The following REELD1 variants were observed in gnomAD, a reference collection of about 807,000 sequenced individuals.
The protein encoded by REELD1 is reeler domain containing 1.
Under a neutral mutation model 6.3 loss-of-function variants are expected in REELD1, and 12 were observed. The ratio of observed to expected loss-of-function variants is 1.89; its 90% CI spans 1.21 to 3.07. The LOEUF is 3.07. REELD1 is among the 30% of genes most tolerant of loss of function. REELD1 has a pLI of 0.00. For missense variants in REELD1, 163 were observed against 86.8 expected, an observed-to-expected ratio of 1.88 and a Z score of -3.49; for synonymous variants, 57 against 33.6, an observed-to-expected ratio of 1.70 and a Z score of -2.42.
chr4:146,223,129 A>G (rs1001110917), intron 4 of REELD1, among the ~76,000 whole-genome samples: 21 of 152,226 alleles, frequency 1.4e-4, no homozygotes, highest in Non-Finnish European at 2.8e-4. Flanking sequence ...AAAATGAGGT[A>G]CTTGTTTTGT....
At position 146,222,564 on chromosome 4, in the gene REELD1, G is replaced by A; in HGVS notation, c.416G>A (p.Gly139Glu). Residue 139 changes from glycine (G) to glutamate (E), a missense_variant, in exon 4 of 8, where the codon GGG becomes GAG. Physicochemically the swap from Gly to Glu is moderately conservative, Grantham distance 98. Transcript: ENST00000623665. ...TGGAAGGCCCCAGCCCAGCCTGTGGGGGACATTAAGTTCCTGTAAGAGAGT... is the reference window on the plus strand; with the variant it reads ...TGGAAGGCCCCAGCCCAGCCTGTGGAGGACATTAAGTTCCTGTAAGAGAGT... ...FVWKAPAQPV[G>E]DIKFLLSVVQ... 1 of 398,618 alleles carries A rather than the reference G, an allele frequency of 2.5e-6. No individual in the cohort carries two copies. Among genetic ancestry groups the A allele is most frequent in the East Asian group, 3.6e-5 (1 of 28,074 alleles). The allele number at this position is 398,618 out of a possible 1,614,324, so 24.7% of individuals were successfully genotyped here.
Position 146,230,632 on chromosome 4 carries a change from G to A in REELD1, c.*119G>A, listed in dbSNP as rs1440110667. 19 of 397,128 alleles carry A rather than the reference G, an allele frequency of 4.8e-5. No homozygotes were observed. The highest frequency in any genetic ancestry group is 7.1e-5 in the Non-Finnish European group (16 of 225,742). 24.6% of individuals were successfully genotyped at this position (397,128 alleles called of 1,614,324 possible). On this transcript the variant is annotated 3_prime_UTR_variant, in exon 8 of 8. Transcript: ENST00000623665. ...AGGGACTCATTGTGCCTCTGTCAAT[G>A]TGCAGTTAGTGGAGGAACCCGGGAG...
chr4:146,228,419 C>A lies in REELD1; in HGVS notation c.805C>A (p.Pro269Thr), dbSNP rs1293676653. ...INQQPSGDSN[P>T]TLEPSLEVHR... ...CCAGCAACCCAGCGGGGACAGCAAT[C>A]CCACCCTAGAGCCGTCCCTGGAGGT... Residue 269 changes from proline to threonine, a missense_variant, in exon 6 of 8, where the codon CCC (proline) becomes ACC (threonine). Coordinates refer to ENST00000623665, the MANE Select transcript of REELD1 (RefSeq NM_001354631.1). 1.1e-5 allele frequency: 8 copies of A among 702,490 alleles called. No individual in the cohort carries two copies. In the South Asian group the frequency reaches 1.2e-4, roughly 10 times the overall value. The allele number at this position is 702,490 out of a possible 1,614,324, so 43.5% of individuals were successfully genotyped here. A position where few individuals can be genotyped will look rare whatever the true frequency, so the allele number is the denominator to read the frequency against.
In REELD1 at chr4:146,232,011, G is replaced by A. The variant is rs926598346; in HGVS notation, c.*1498G>A. On this transcript the variant is annotated 3_prime_UTR_variant, in exon 8 of 8. Transcript: ENST00000623665. The stretch of plus-strand genomic sequence containing the variant: ...AACAAAAGTACTGTAGTCTAATAAG[G>A]CCACAGATATCCCTTCTGTATGTCT... 2.0e-5 allele frequency: 3 copies of A among 152,158 alleles called. No homozygotes were observed. Among genetic ancestry groups the A allele is most frequent in the African/African-American group, 7.2e-5 (3 of 41,430 alleles). 9.4% of individuals were successfully genotyped at this position (152,158 alleles called of 1,614,324 possible).
rs565490940 is a variant in REELD1 at position 146,228,406 on chromosome 4, C to T, written c.792C>T (p.Ser264=). 1.9e-5 allele frequency: 13 copies of T among 702,582 alleles called. No individual in the cohort carries two copies. The highest frequency in any genetic ancestry group is 5.4e-5 in the East Asian group (2 of 37,272). The allele number at this position is 702,582 out of a possible 1,614,324, so 43.5% of individuals were successfully genotyped here. The change falls in exon 6 of 8, where the codon AGC becomes AGT. Residue 264 remains serine, a synonymous_variant. Transcript: ENST00000623665. ...AAGGCAGCATCAACCAGCAACCCAG[C>T]GGGGACAGCAATCCCACCCTAGAGC... The part of the protein sequence containing the change: ...ATEGSINQQP[S]GDSNPTLEPS...
intron 2 of REELD1, among the ~76,000 whole-genome samples, chr4:146,216,253 G>A (rs530887297): frequency 2.6e-4 from 40 of 152,238 alleles, no homozygotes; most frequent in Admixed American, 2.6e-3. Flanking sequence ...TTCAATCATT[G>A]TATTCTATTC....
Position 146,231,255 on chromosome 4 carries a change from T to C in REELD1, c.*742T>C, listed in dbSNP as rs1731126830. 6.6e-6 allele frequency among the ~76,000 whole-genome samples: 1 copy of C among 152,218 alleles called. No individual in the cohort carries two copies. Among genetic ancestry groups the C allele is most frequent in the South Asian group, 2.1e-4 (1 of 4,830 alleles). ...AAATGGATCTGAGACCTCCCATCCA[T>C]TTACACTTGATGGAAACATTCGTGT... On this transcript the variant is annotated 3_prime_UTR_variant, in exon 8 of 8. Coordinates refer to ENST00000623665, the MANE Select transcript of REELD1 (RefSeq NM_001354631.1).
chr4:146,229,853 G>A (rs1731093153), intron 7 of REELD1, 52 bp from the exon 8 acceptor site: 2 of 398,404 alleles, frequency 5.0e-6, no homozygotes, highest in Non-Finnish European at 8.8e-6. Context: ...TTCAGTGGCA[G>A]CTTAGGAGGA....
At chr4:146,227,408 T>G (rs1163996442) in intron 5 of REELD1, among the ~76,000 whole-genome samples, 4 of 152,236 alleles carry the variant, frequency 2.6e-5, no homozygotes, top group Non-Finnish European at 5.9e-5. Context: ...TTTTGGTCAA[T>G]GCCATCATGT....
At chr4:146,227,030 C>T (rs1731035650) in intron 5 of REELD1, among the ~76,000 whole-genome samples, 1 of 152,236 alleles carries the variant, frequency 6.6e-6, no homozygotes, top group Non-Finnish European at 1.5e-5. Context: ...GCCTTGGCTT[C>T]CCAAAGTGCT....
intron 3 of REELD1, among the ~76,000 whole-genome samples, chr4:146,219,891 A>G (rs1418579130): frequency 6.6e-6 from 1 of 152,186 alleles, no homozygotes; most frequent in Non-Finnish European, 1.5e-5. Context: ...TTTTTTACCT[A>G]ACAATCAGAC....
At position 146,228,201 on chromosome 4, in the gene REELD1, T is replaced by G. The variant is rs1383447074; in HGVS notation, c.596-9T>G. 1 of 699,854 alleles carries G rather than the reference T, an allele frequency of 1.4e-6. No individual in the cohort carries two copies. The highest frequency in any genetic ancestry group is 2.7e-5 in the East Asian group (1 of 37,266). The allele number at this position is 699,854 out of a possible 1,614,324, so 43.4% of individuals were successfully genotyped here. On this transcript the variant is annotated splice_polypyrimidine_tract_variant and intron_variant, in intron 5 of 7. Coordinates refer to ENST00000623665, the MANE Select transcript of REELD1 (RefSeq NM_001354631.1). ...ACTCACTCTGCGCTGTCTTTGGACCTCTGCTTAGCTCCCAGGACCCCCATC... is the reference window on the plus strand; with the variant it reads ...ACTCACTCTGCGCTGTCTTTGGACCGCTGCTTAGCTCCCAGGACCCCCATC...
At chr4:146,219,733 A>C (rs927026096) in intron 3 of REELD1, among the ~76,000 whole-genome samples, 4 of 152,200 alleles carry the variant, frequency 2.6e-5, no homozygotes, top group African/African-American at 9.6e-5. Context: ...GGCTCTGAAC[A>C]CTCAATTTGA....
chr4:146,229,468 T>A (rs780253222), intron 7 of REELD1, among the ~76,000 whole-genome samples: 1 of 152,194 alleles, frequency 6.6e-6, no homozygotes, highest in Non-Finnish European at 1.5e-5. Context: ...TCCTTTGAAG[T>A]CTTAGAAGGA....
intron 6 of REELD1, 73 bp downstream of exon 6, chr4:146,228,595 T>G (rs1731070309): frequency 6.5e-6 from 4 of 615,450 alleles, no homozygotes; most frequent in Non-Finnish European, 8.7e-6. Flanking sequence ...TCATGTGGAG[T>G]CTGACAAAAA....
chr4:146,227,989 G>A (rs1722647879), intron 5 of REELD1, among the ~76,000 whole-genome samples: 2 of 152,104 alleles, frequency 1.3e-5, no homozygotes, highest in African/African-American at 2.4e-5. Context: ...ACAGGCCAGG[G>A]ACTCACTCTC....
intron 4 of REELD1, among the ~76,000 whole-genome samples, 181 bp downstream of exon 4, chr4:146,222,760 T>C (rs1394352305): frequency 2.0e-5 from 3 of 152,180 alleles, no homozygotes; most frequent in Admixed American, 1.3e-4. Flanking sequence ...CTAAAAAAAA[T>C]ATTGCCCCCA....
chr4:146,232,060 C>T lies in REELD1; in HGVS notation c.*1547C>T, dbSNP rs1310354252. 1 of 152,202 alleles carries T rather than the reference C, an allele frequency of 6.6e-6. No individual in the cohort carries two copies. The highest frequency in any genetic ancestry group is 1.5e-5 in the Non-Finnish European group (1 of 68,040). The allele number at this position is 152,202 out of a possible 1,614,324, so 9.4% of individuals were successfully genotyped here. A position where few individuals can be genotyped will look rare whatever the true frequency, so the allele number is the denominator to read the frequency against. ...CTAGCCCTCTAAAAGACGTTCTCCC[C>T]AAGAAGCAAACAAGGGACCCCATTA... On this transcript the variant is annotated 3_prime_UTR_variant, in exon 8 of 8. Transcript: ENST00000623665.
intron 2 of REELD1, among the ~76,000 whole-genome samples, chr4:146,215,752 CT>C (rs3029291): frequency 0.11 from 14,035 of 122,642 alleles, 901 homozygotes; most frequent in African/African-American, 0.21. Flanking sequence ...AAAAACAGAA[CT>C]TTTTTTTTTT....
Sources: gnomAD v4.1 joint callset for allele counts (sites outside exome capture counted in the v4.1 genomes callset) on GRCh38, gnomAD v4.1.1 for gene constraint, MANE v1.5 for transcripts, NCBI Gene and HGNC (gene_info 2026-07-23, HGNC 2026-07-21) for gene names.